Variants in SLC25A21 observed in about 807,000 individuals in gnomAD.
SLC25A21 encodes solute carrier family 25 member 21.
A neutral mutation model predicts 43.8 loss-of-function variants in SLC25A21; 47 were observed. The ratio of observed to expected loss-of-function variants is 1.07; its 90% CI spans 0.85 to 1.37. SLC25A21 has a LOEUF of 1.37. Among genes scored for constraint, SLC25A21 ranks in the 40% most tolerant of loss-of-function variants. The probability of loss-of-function intolerance (pLI) is 0.00; values close to 1 mark genes in which losing one functional copy is unlikely to be tolerated. For missense variants in SLC25A21, 352 were observed against 350.2 expected, an observed-to-expected ratio of 1.00 and a Z score of -0.04; for synonymous variants, 131 against 121.3, an observed-to-expected ratio of 1.08 and a Z score of -0.52.
intron 1 of SLC25A21, among the ~76,000 whole-genome samples, chr14:37,155,586 T>C (rs1963833985): frequency 6.6e-6 from 1 of 152,106 alleles, no homozygotes; most frequent in South Asian, 2.1e-4. Context: ...AAACTAACAG[T>C]GAATTTCTTA....
intron 1 of SLC25A21, among the ~76,000 whole-genome samples, chr14:36,918,917 AC>A (rs1891903506): frequency 6.6e-6 from 1 of 152,032 alleles, no homozygotes; most frequent in South Asian, 2.1e-4. Context: ...TTATTTAACA[AC>A]CCTCCTCTGT....
chr14:36,871,158 G>C (rs712379), intron 2 of SLC25A21, among the ~76,000 whole-genome samples: 130,152 of 151,506 alleles, frequency 0.86, 56,602 homozygotes, highest in Non-Finnish European at 0.93. Context: ...ATCCAACCCC[G>C]CAAGGTGATG....
At chr14:36,944,489 A>G (rs79159546) in intron 1 of SLC25A21, among the ~76,000 whole-genome samples, 9,285 of 152,116 alleles carry the variant, frequency 0.061, 404 homozygotes, top group Middle Eastern at 0.15. Flanking sequence ...AGGAAACATC[A>G]CAGATAGTGA....
intron 2 of SLC25A21, among the ~76,000 whole-genome samples, chr14:36,843,089 C>G (rs1889436425): frequency 6.6e-6 from 1 of 152,208 alleles, no homozygotes; most frequent in Non-Finnish European, 1.5e-5. Flanking sequence ...ACAGGAGATA[C>G]AGCTCAGGTG....
At chr14:36,825,140 A>T (rs189477968) in intron 2 of SLC25A21, among the ~76,000 whole-genome samples, 1 of 152,322 alleles carries the variant, frequency 6.6e-6, no homozygotes, top group African/African-American at 2.4e-5. Context: ...GTCTATATTC[A>T]TCTATTCCAT....
At chr14:37,122,950 T>A (rs1300584462) in intron 1 of SLC25A21, among the ~76,000 whole-genome samples, 1 of 152,238 alleles carries the variant, frequency 6.6e-6, no homozygotes, top group Non-Finnish European at 1.5e-5. Flanking sequence ...TGCTACTATA[T>A]CTTAGGCATC....
chr14:36,818,266 T>C (rs999078292), intron 2 of SLC25A21, among the ~76,000 whole-genome samples: 3 of 152,170 alleles, frequency 2.0e-5, no homozygotes, highest in Non-Finnish European at 4.4e-5. Context: ...TGGAGCTACA[T>C]ATCTGCAATT....
chr14:37,172,557 A>G lies in SLC25A21; in HGVS notation c.-207T>C, dbSNP rs56237223. On this transcript the variant is annotated 5_prime_UTR_variant, in exon 1 of 10. Coordinates refer to ENST00000331299, the MANE Select transcript of SLC25A21 (RefSeq NM_030631.4). ...CTCCGGCGCGTCGGAACCTGTTCGC[A>G]GCGCTCTCGCAGAGGCGCCCTCGGC... The G allele has an allele frequency of 5.6e-3, 4,003 of 712,774 alleles. 30 individuals carry two copies. The highest frequency in any genetic ancestry group is 6.7e-3 in the Non-Finnish European group (2,633 of 392,998). 44.2% of individuals were successfully genotyped at this position (712,774 alleles called of 1,614,324 possible). A position where few individuals can be genotyped will look rare whatever the true frequency, so the allele number is the denominator to read the frequency against.
intron 3 of SLC25A21, among the ~76,000 whole-genome samples, chr14:36,768,436 G>A (rs1482488974): frequency 6.6e-6 from 1 of 152,124 alleles, no homozygotes; most frequent in Non-Finnish European, 1.5e-5. Context: ...TTATTAAAAT[G>A]ATTTCAATGA....
intron 3 of SLC25A21, among the ~76,000 whole-genome samples, chr14:36,790,324 G>C (rs555545047): frequency 2.6e-5 from 4 of 152,110 alleles, no homozygotes; most frequent in South Asian, 2.1e-4. Context: ...TCTAATTTTT[G>C]AGAGGTGGTG....
chr14:36,762,827 G>A (rs927922847), intron 3 of SLC25A21, among the ~76,000 whole-genome samples: 1 of 152,162 alleles, frequency 6.6e-6, no homozygotes, highest in Non-Finnish European at 1.5e-5. Context: ...TGCCAAGCAA[G>A]CCCTCAGTAA....
chr14:37,110,512 C>A (rs187470461), intron 1 of SLC25A21, among the ~76,000 whole-genome samples: 2 of 152,094 alleles, frequency 1.3e-5, no homozygotes, highest in African/African-American at 2.4e-5. Context: ...AGTACAGACA[C>A]AAGTTATAAT....
chr14:37,029,103 G>A (rs1961153769), intron 1 of SLC25A21, among the ~76,000 whole-genome samples: 1 of 152,116 alleles, frequency 6.6e-6, no homozygotes, highest in African/African-American at 2.4e-5. Flanking sequence ...TAAATAAGTG[G>A]CTATATCATA....
intron 1 of SLC25A21, among the ~76,000 whole-genome samples, chr14:36,905,219 A>C (rs1891503327): frequency 6.6e-6 from 1 of 152,232 alleles, no homozygotes; most frequent in East Asian, 1.9e-4. Flanking sequence ...TAAATGCTTC[A>C]GCAAAAGCTA....
intron 1 of SLC25A21, among the ~76,000 whole-genome samples, chr14:36,953,597 C>A (rs975945815): frequency 1.3e-5 from 2 of 152,108 alleles, no homozygotes; most frequent in Non-Finnish European, 2.9e-5. Context: ...TATTTCATAT[C>A]GCAAACAAAT....
chr14:36,928,533 T>A (rs1253521793), intron 1 of SLC25A21, among the ~76,000 whole-genome samples: 2 of 152,176 alleles, frequency 1.3e-5, no homozygotes, highest in East Asian at 3.9e-4. Context: ...GGATCTATGC[T>A]TATCCTCAAA....
intron 1 of SLC25A21, among the ~76,000 whole-genome samples, chr14:37,062,449 C>T (rs571957377): frequency 3.3e-5 from 5 of 151,394 alleles, no homozygotes; most frequent in Admixed American, 2.0e-4. Context: ...CTCATATATT[C>T]GCAAAATAAT....
At chr14:37,146,364 A>G (rs1963664506) in intron 1 of SLC25A21, among the ~76,000 whole-genome samples, 1 of 151,388 alleles carries the variant, frequency 6.6e-6, no homozygotes, top group African/African-American at 2.4e-5. Flanking sequence ...TCCCACATCA[A>G]CCCCCCTAAG....
At chr14:37,032,325 C>T (rs903560834) in intron 1 of SLC25A21, among the ~76,000 whole-genome samples, 2 of 151,896 alleles carry the variant, frequency 1.3e-5, no homozygotes, top group Non-Finnish European at 2.9e-5. Flanking sequence ...CACGAGGTCA[C>T]GAGATCGAGA....
Sources: gnomAD v4.1 joint callset for allele counts (sites outside exome capture counted in the v4.1 genomes callset) on GRCh38, gnomAD v4.1.1 for gene constraint, MANE v1.5 for transcripts, NCBI Gene and HGNC (gene_info 2026-07-23, HGNC 2026-07-21) for gene names.